The following KCNN2 variants were observed in gnomAD, a reference collection of about 807,000 sequenced individuals.
The protein encoded by KCNN2 is small conductance calcium-activated potassium channel protein 2.
Under a neutral mutation model 55.5 loss-of-function variants are expected in KCNN2, and 24 were observed. The observed-to-expected ratio is 0.43, with a 90% confidence interval of 0.31 to 0.61. The LOEUF is 0.61. Ranked by LOEUF, KCNN2 falls within the 20% of genes least tolerant of loss-of-function variation. KCNN2 has a pLI of 0.08. For missense variants in KCNN2, 754 were observed against 853.6 expected, an observed-to-expected ratio of 0.88 and a Z score of 1.45; for synonymous variants, 431 against 336.1, an observed-to-expected ratio of 1.28 and a Z score of -3.09.
chr5:114,316,735 C>G lies in KCNN2; in HGVS notation c.-184-44210C>G, dbSNP rs144648455. 3.3e-5 allele frequency among the ~76,000 whole-genome samples: 5 copies of G among 152,258 alleles called. No homozygotes were observed. The East Asian group carries it at 9.6e-4, about 29-fold the overall frequency. ...ATATCTCTAAATCATTAATACATAT[C>G]GCTATCTAGTCCAGCCATGATTTAA... is the stretch of plus-strand genomic sequence containing the variant. On this transcript the variant is annotated intron_variant, in intron 2 of 10. Transcript: ENST00000512097.
intron 2 of KCNN2, among the ~76,000 whole-genome samples, chr5:114,301,287 T>C (rs940747038): frequency 1.3e-5 from 2 of 152,196 alleles, no homozygotes; most frequent in Non-Finnish European, 2.9e-5. Context: ...AAAAACTTTA[T>C]CTCACTATGT....
At chr5:114,068,561 A>G (rs79849190) in intron 1 of KCNN2, among the ~76,000 whole-genome samples, 4,754 of 152,224 alleles carry the variant, frequency 0.031, 95 homozygotes, top group Admixed American at 0.047. Context: ...TGGGGCATAC[A>G]TTTCAGAGTC....
At chr5:114,165,564 T>A (rs1752891745) in intron 1 of KCNN2, among the ~76,000 whole-genome samples, 1 of 152,182 alleles carries the variant, frequency 6.6e-6, no homozygotes, top group Non-Finnish European at 1.5e-5. Context: ...TTGTGACTTC[T>A]ACTTCTCTCT....
chr5:114,154,380 T>C (rs938567283), intron 1 of KCNN2, among the ~76,000 whole-genome samples: 6 of 152,114 alleles, frequency 3.9e-5, no homozygotes, highest in Admixed American at 2.6e-4. Context: ...TTGAAGCTGC[T>C]CTAGGGCTCT....
chr5:114,102,682 A>G (rs924362340), intron 1 of KCNN2, among the ~76,000 whole-genome samples: 5 of 152,200 alleles, frequency 3.3e-5, no homozygotes, highest in Non-Finnish European at 7.3e-5. Context: ...AACACCACTT[A>G]TTAAATAGGG....
chr5:114,331,315 C>T (rs552500641), intron 2 of KCNN2, among the ~76,000 whole-genome samples: 4 of 152,180 alleles, frequency 2.6e-5, no homozygotes, highest in African/African-American at 9.6e-5. Context: ...GCGGTGGCCA[C>T]GGGAAGGGGT....
At chr5:114,475,739 C>G (rs1561407724) in intron 5 of KCNN2, among the ~76,000 whole-genome samples, 1 of 151,988 alleles carries the variant, frequency 6.6e-6, no homozygotes. Flanking sequence ...CCCCTAAAGT[C>G]CGGTCAGAGG....
intron 1 of KCNN2, among the ~76,000 whole-genome samples, chr5:114,219,654 A>G (rs904145599): frequency 6.6e-6 from 1 of 151,984 alleles, no homozygotes; most frequent in Non-Finnish European, 1.5e-5. Flanking sequence ...CTTTAGGAAG[A>G]TGTAACATTC....
At chr5:114,488,528 C>CAGTT (rs1482664422) in intron 6 of KCNN2, among the ~76,000 whole-genome samples, 1 of 152,168 alleles carries the variant, frequency 6.6e-6, no homozygotes, top group African/African-American at 2.4e-5. Context: ...CCTAGACTTA[C>CAGTT]AGTTACCCTT....
chr5:114,063,108 G>T (rs79515576), intron 1 of KCNN2, among the ~76,000 whole-genome samples: 1 of 152,120 alleles, frequency 6.6e-6, no homozygotes, highest in African/African-American at 2.4e-5. Flanking sequence ...AAAGAGACAG[G>T]CCTTAGCAAC....
Position 114,362,813 on chromosome 5 carries a change from C to G in KCNN2, c.674C>G (p.Pro225Arg), listed in dbSNP as rs1211833036. Reference sequence around the variant, plus strand: ...AGGTACAACGGGGGCGTCATGCGGCCGCTCAGCAACTTGAGCGCGTCCCGC... The same window carrying G: ...AGGTACAACGGGGGCGTCATGCGGCGGCTCAGCAACTTGAGCGCGTCCCGC... ...SCRYNGGVMR[P>R]LSNLSASRRN... is the part of the protein sequence containing the mutation. The change falls in exon 1 of 8, where the codon CCG becomes CGG. Residue 225 changes from proline to arginine, a missense_variant. Physicochemically the swap from Pro to Arg is moderately radical, Grantham distance 103 (BLOSUM62 -2). Coordinates refer to ENST00000673685, the MANE Select transcript of KCNN2 (RefSeq NM_021614.4). 1.3e-6 allele frequency: 2 copies of G among 1,598,138 alleles called. No individual in the cohort carries two copies. The highest frequency in any genetic ancestry group is 1.3e-5 in the African/African-American group (1 of 74,802).
intron 3 of KCNN2, among the ~76,000 whole-genome samples, chr5:114,445,809 G>C (rs909722335): frequency 6.6e-6 from 1 of 152,218 alleles, no homozygotes; most frequent in Non-Finnish European, 1.5e-5. Flanking sequence ...GGTAATGAGA[G>C]ACACTCTCTT....
chr5:114,175,079 A>T (rs1753108467), intron 1 of KCNN2, among the ~76,000 whole-genome samples: 1 of 152,166 alleles, frequency 6.6e-6, no homozygotes, highest in African/African-American at 2.4e-5. Flanking sequence ...GCATGTTATG[A>T]CAGTTTGGGC....
At chr5:114,452,692 T>C (rs544454821) in intron 3 of KCNN2, among the ~76,000 whole-genome samples, 1 of 152,236 alleles carries the variant, frequency 6.6e-6, no homozygotes, top group South Asian at 2.1e-4. Context: ...CGGATGGGGC[T>C]TTGCACAGGA....
At chr5:114,299,338 G>A (rs769333862) in intron 2 of KCNN2, among the ~76,000 whole-genome samples, 12 of 152,070 alleles carry the variant, frequency 7.9e-5, no homozygotes, top group Non-Finnish European at 1.2e-4. Context: ...ATACACTAAT[G>A]GCTTAGGCTT....
chr5:114,472,989 C>A, intron 4 of KCNN2, 65 bp from the exon 5 acceptor site: 1 of 893,398 alleles, frequency 1.1e-6, no homozygotes, highest in East Asian at 2.6e-5. Flanking sequence ...AAAACATTTT[C>A]TAATGTGTCT....
At chr5:114,401,668 G>A (rs1379532775) in intron 2 of KCNN2, among the ~76,000 whole-genome samples, 2 of 152,182 alleles carry the variant, frequency 1.3e-5, no homozygotes, top group African/African-American at 4.8e-5. Flanking sequence ...TCTACTACAT[G>A]CTAGAGGAGC....
At chr5:114,194,960 T>G (rs1753522469) in intron 1 of KCNN2, among the ~76,000 whole-genome samples, 1 of 151,854 alleles carries the variant, frequency 6.6e-6, no homozygotes, top group African/African-American at 2.4e-5. Context: ...TGTTTCCCCA[T>G]TCAATTGTCT....
intron 1 of KCNN2, among the ~76,000 whole-genome samples, chr5:114,171,463 A>T (rs1753030925): frequency 6.6e-6 from 1 of 152,048 alleles, no homozygotes; most frequent in South Asian, 2.1e-4. Flanking sequence ...TTTACTAATT[A>T]TTCGATTAAT....
Sources: gnomAD v4.1 joint callset for allele counts (sites outside exome capture counted in the v4.1 genomes callset) on GRCh38, gnomAD v4.1.1 for gene constraint, MANE v1.5 for transcripts, NCBI Gene and HGNC (gene_info 2026-07-23, HGNC 2026-07-21) for gene names.